Variants in AAK1 observed in about 807,000 individuals in gnomAD.
AAK1 encodes the protein AP2-associated protein kinase 1.
AAK1 carries 37 observed loss-of-function variants against 116.0 expected under a neutral mutation model. The observed-to-expected ratio is 0.32, with a 90% CI of 0.25 to 0.42. The LOEUF (loss-of-function observed/expected upper bound fraction) is 0.42, where lower values mean the gene tolerates loss of function less well. AAK1 is among the 10% of genes least tolerant of loss of function. AAK1 has a pLI of 1.00. For missense variants in AAK1, 919 were observed against 1,170.6 expected (o/e 0.79, Z 3.14); for synonymous variants, 458 against 439.9 (o/e 1.04, Z -0.51).
intron 11 of AAK1, 53 bp from the exon 12 acceptor site, chr2:69,519,293 T>C (rs767040606): frequency 1.4e-6 from 2 of 1,471,372 alleles, no homozygotes; most frequent in Non-Finnish European, 1.8e-6. Flanking sequence ...CACACAAAAA[T>C]GGCTTTCTGT....
chr2:69,550,285 A>G (rs1671120542), intron 3 of AAK1, among the ~76,000 whole-genome samples: 1 of 152,168 alleles, frequency 6.6e-6, no homozygotes, highest in Non-Finnish European at 1.5e-5. Context: ...TACTCATCCA[A>G]GTAACTATAA....
In AAK1 at chr2:69,643,000, G is replaced by C. The variant is rs1408423719; in HGVS notation, c.41C>G (p.Ser14Cys). The change falls in exon 2 of 22, where the codon TCT (serine) becomes TGT (cysteine). Residue 14 changes from serine (S) to cysteine (C), a missense_variant. Around this residue, in one of 4 missense-constraint regions of AAK1, gnomAD observed 317 missense variants for 490.4 expected, o/e 0.65. Coordinates refer to ENST00000409085, the MANE Select transcript of AAK1 (RefSeq NM_014911.5). ...TCCGCTGGAGCCGGAGCCCAGGCCA[G>C]AGCCGCCCTGCTCTCGCCGGGAGTC... ...FFDSRREQGG[S>C]GLGSGSSGGG... 2.5e-6 allele frequency: 4 copies of C among 1,611,304 alleles called. No individual in the cohort carries two copies. Among genetic ancestry groups the C allele is most frequent in the Admixed American group, 3.4e-5 (2 of 59,566 alleles).
Position 69,505,691 on chromosome 2 carries a change from C to A in AAK1, c.2165-18G>T. 1 of 1,597,566 alleles carries A rather than the reference C, an allele frequency of 6.3e-7. No individual in the cohort carries two copies. The highest frequency in any genetic ancestry group is 8.6e-7 in the Non-Finnish European group (1 of 1,165,954). On this transcript the variant is annotated intron_variant, in intron 15 of 21. Transcript: ENST00000409085. ...ATGTTTGCCTGGAGAGACAAAACAC[C>A]ACTCAGTTCATTCTAGCAGAATCTT...
rs80336031 is a variant in AAK1 at position 69,466,267 on chromosome 2, G to T, written c.*9602C>A. 7.8e-7 allele frequency: 1 copy of T among 1,289,758 alleles called. No individual in the cohort carries two copies. 79.9% of individuals were successfully genotyped at this position (1,289,758 alleles called of 1,614,324 possible). On this transcript the variant is annotated 3_prime_UTR_variant, in exon 22 of 22. Transcript: ENST00000409085. Reference sequence around the variant, plus strand: ...GCTCCTCCCAGCTTCCCCGGGGGGGGTCTGCAGCTCTCATCTTCTTCTTCA... The same window carrying T: ...GCTCCTCCCAGCTTCCCCGGGGGGGTTCTGCAGCTCTCATCTTCTTCTTCA...
In AAK1 at chr2:69,480,871, G is replaced by C. The variant is rs759128042; in HGVS notation, c.2558C>G (p.Ser853Trp). 1 of 1,598,508 alleles carries C rather than the reference G, an allele frequency of 6.3e-7. No homozygotes were observed. The change falls in exon 19 of 22, where the codon TCG (serine) becomes TGG (tryptophan). Residue 853 changes from serine (S) to tryptophan (W), a missense_variant. By Grantham distance (177) the Ser-to-Trp change is radical. This residue lies in a region of AAK1 where 263 missense variants were observed against 285.5 expected (regional missense o/e 0.92). Coordinates refer to ENST00000409085, the MANE Select transcript of AAK1 (RefSeq NM_014911.5). The part of the protein sequence containing the change: ...RLPSQTESVT[S>W]NRTDSLTGED... Reference sequence around the variant, plus strand: ...GACACCTGACTGACCTGTGCGATTCGAGGTCACAGATTCCGTCTGAGATGG... The same window carrying C: ...GACACCTGACTGACCTGTGCGATTCCAGGTCACAGATTCCGTCTGAGATGG...
Position 69,519,069 on chromosome 2 carries a change from G to A in AAK1, c.1382C>T (p.Pro461Leu). ...QGLPAQAQAT[P>L]QHQQQLFLKQ... is the part of the protein sequence containing the mutation. ...GAGGAAGAGTTGCTGCTGGTGCTGG[G>A]GTGTGGCCTGGGCCTGAGCGGGCAG... is the stretch of plus-strand genomic sequence containing the variant. The change falls in exon 12 of 22, where the codon CCC becomes CTC. Residue 461 changes from proline to leucine, a missense_variant. Pro to Leu is a moderately conservative substitution (Grantham distance 98). Coordinates refer to ENST00000409085, the MANE Select transcript of AAK1 (RefSeq NM_014911.5). 4 of 1,551,412 alleles carry A rather than the reference G, an allele frequency of 2.6e-6. No homozygotes were observed. The highest frequency in any genetic ancestry group is 2.6e-6 in the Non-Finnish European group (3 of 1,146,892).
chr2:69,538,707 C>T (rs1322214964), intron 5 of AAK1, among the ~76,000 whole-genome samples: 1 of 152,152 alleles, frequency 6.6e-6, no homozygotes, highest in Non-Finnish European at 1.5e-5. Context: ...CATGGTGAAA[C>T]CCCGTCTCTA....
chr2:69,485,367 C>T (rs1215410192), intron 17 of AAK1, among the ~76,000 whole-genome samples: 2 of 152,184 alleles, frequency 1.3e-5, no homozygotes, highest in African/African-American at 4.8e-5. Flanking sequence ...GTTCCTTAAC[C>T]TTCTGACATT....
intron 9 of AAK1, 129 bp from the exon 10 acceptor site, chr2:69,525,241 A>G (rs1048733678): frequency 3.2e-5 from 27 of 842,310 alleles, no homozygotes; most frequent in Middle Eastern, 2.4e-4. Context: ...AGCAGCTTCC[A>G]GGCCCTGAGC....
chr2:69,482,923 C>T (rs947727133), intron 17 of AAK1, 111 bp from the exon 18 acceptor site: 2 of 650,586 alleles, frequency 3.1e-6, no homozygotes, highest in South Asian at 1.9e-5. Flanking sequence ...ATATTTGGTA[C>T]AGGTTCACCA....
At chr2:69,617,500 T>C (rs531748069) in intron 2 of AAK1, among the ~76,000 whole-genome samples, 9 of 152,204 alleles carry the variant, frequency 5.9e-5, no homozygotes, top group Non-Finnish European at 1.2e-4. Flanking sequence ...ACTTCCTAAA[T>C]ACCTACTTAT....
intron 17 of AAK1, among the ~76,000 whole-genome samples, chr2:69,488,275 A>C (rs943937773): frequency 2.6e-5 from 4 of 152,046 alleles, no homozygotes; most frequent in African/African-American, 4.8e-5. Context: ...GCATCATGCT[A>C]TGTACCCAGG....
rs7603932 is a variant in AAK1 at position 69,519,164 on chromosome 2, C to T, written c.1287G>A (p.Pro429=). The change falls in exon 12 of 22, where the codon CCG becomes CCA. Residue 429 remains proline (P), a synonymous_variant. Transcript: ENST00000409085. ...CCTGTGGCTGCTTGGCCTGAGTTTG[C>T]GGCAGAGGCTGGCTGGGTGGGGCTT... is the stretch of plus-strand genomic sequence containing the variant. The part of the protein sequence containing the change: ...KPQAPPSQPL[P]QTQAKQPQAP... The T allele has an allele frequency of 0.097, 153,595 of 1,582,738 alleles. 7,909 individuals are homozygous for T. Among genetic ancestry groups the T allele is most frequent in the African/African-American group, 0.14 (10,123 of 74,534 alleles).
At position 69,633,218 on chromosome 2, in the gene AAK1, C is replaced by CAAAAAAAAA. The variant is rs199667063; in HGVS notation, c.163+9651_163+9659dup. On this transcript the variant is annotated intron_variant, in intron 2 of 21. Transcript: ENST00000409085. ...TGGGCAACAGAGTGAGACTCTGTTT[C>CAAAAAAAAA]AAAAAAAAAAAAAGGCCCCAAGAAA... Among the ~76,000 whole-genome samples, 16 of 106,036 alleles carry CAAAAAAAAA rather than the reference C, an allele frequency of 1.5e-4. No individual in the cohort carries two copies. In the South Asian group the frequency reaches 1.6e-3, roughly 11 times the overall value. The allele number at this position is 106,036 out of a possible 152,430, so 69.6% of individuals were successfully genotyped here.
At chr2:69,605,156 G>A (rs1484192429) in intron 2 of AAK1, among the ~76,000 whole-genome samples, 2 of 152,066 alleles carry the variant, frequency 1.3e-5, no homozygotes, top group Non-Finnish European at 2.9e-5. Context: ...CCCTACCCCA[G>A]CAGTTTGTCC....
chr2:69,634,657 C>G (rs888103918), intron 2 of AAK1, among the ~76,000 whole-genome samples: 5 of 152,062 alleles, frequency 3.3e-5, no homozygotes, highest in Middle Eastern at 3.2e-3. Context: ...GTGGTGTAGT[C>G]TCTAAGCTAT....
rs1674415555 is a variant in AAK1 at position 69,464,218 on chromosome 2, C to T, written c.*11651G>A. 1 of 152,190 alleles carries T rather than the reference C, an allele frequency of 6.6e-6. No homozygotes were observed. The highest frequency in any genetic ancestry group is 2.1e-4 in the South Asian group (1 of 4,814). The allele number at this position is 152,190 out of a possible 1,614,324, so 9.4% of individuals were successfully genotyped here. ...GAAACAACAACAACAACAACAACAA[C>T]AACAACAAAACCACCCCAAAACAAG... On this transcript the variant is annotated 3_prime_UTR_variant, in exon 22 of 22. Transcript: ENST00000409085.
At position 69,461,742 on chromosome 2, in the gene AAK1, C is replaced by A; in HGVS notation, c.*14127G>T. On this transcript the variant is annotated 3_prime_UTR_variant, in exon 22 of 22. Transcript: ENST00000409085. ...TAGTAACTGGGACTACAGGTGCGTG[C>A]CATCACGCCCAGCTACTTTTTGTAT... is the stretch of plus-strand genomic sequence containing the variant. 1 of 331,082 alleles carries A rather than the reference C, an allele frequency of 3.0e-6. No homozygotes were observed. Among genetic ancestry groups the A allele is most frequent in the South Asian group, 2.2e-5 (1 of 45,722 alleles). 20.5% of individuals were successfully genotyped at this position (331,082 alleles called of 1,614,324 possible).
At chr2:69,508,672 G>C (rs559041245) in intron 14 of AAK1, among the ~76,000 whole-genome samples, 4 of 152,338 alleles carry the variant, frequency 2.6e-5, no homozygotes, top group Admixed American at 2.6e-4. Context: ...CATATCAGAG[G>C]AAGGGTCAAG....
Sources: gnomAD v4.1 joint callset for allele counts (sites outside exome capture counted in the v4.1 genomes callset) on GRCh38, gnomAD v4.1.1 for gene constraint, gnomAD v4.1.1 regional missense constraint, MANE v1.5 for transcripts, NCBI Gene and HGNC (gene_info 2026-07-23, HGNC 2026-07-21) for gene names.